The following THEMIS variants were observed in gnomAD, a reference collection of about 807,000 sequenced individuals.
The protein encoded by THEMIS is thymocyte selection associated.
A neutral mutation model predicts 52.6 loss-of-function variants in THEMIS; 37 were observed. The ratio of observed to expected loss-of-function variants is 0.70; its 90% confidence interval spans 0.54 to 0.93. The LOEUF is 0.93. Ranked by LOEUF, THEMIS falls within the 40% of genes least tolerant of loss-of-function variation. The pLI, the probability that THEMIS is intolerant of heterozygous loss-of-function variation, is 0.00. For synonymous variants in THEMIS, 292 were observed against 272.7 expected (o/e 1.07, Z -0.70); for missense variants, 808 against 763.1 (o/e 1.06, Z -0.69).
At chr6:127,828,986 G>A (rs1005416183) in intron 3 of THEMIS, among the ~76,000 whole-genome samples, 1 of 152,194 alleles carries the variant, frequency 6.6e-6, no homozygotes, top group African/African-American at 2.4e-5. Flanking sequence ...TTAAGACAGA[G>A]GGGCTCTGGG....
At chr6:127,885,686 A>T (rs1780624021) in intron 1 of THEMIS, among the ~76,000 whole-genome samples, 1 of 152,118 alleles carries the variant, frequency 6.6e-6, no homozygotes, top group Non-Finnish European at 1.5e-5. Flanking sequence ...TAATACATCC[A>T]AAATACAGTA....
intron 4 of THEMIS, among the ~76,000 whole-genome samples, chr6:127,730,351 G>A (rs1261651323): frequency 7.1e-5 from 9 of 127,064 alleles, no homozygotes; most frequent in South Asian, 2.7e-4. Context: ...GAAGAGAAGA[G>A]AAGAAAAGAG....
intron 4 of THEMIS, among the ~76,000 whole-genome samples, chr6:127,808,993 A>G (rs1777812577): frequency 6.6e-6 from 1 of 152,206 alleles, no homozygotes; most frequent in African/African-American, 2.4e-5. Flanking sequence ...TTGCCCATAC[A>G]TCTGTCTGTT....
At chr6:127,745,641 T>A (rs909747006) in intron 4 of THEMIS, among the ~76,000 whole-genome samples, 1 of 151,790 alleles carries the variant, frequency 6.6e-6, no homozygotes, top group South Asian at 2.1e-4. Flanking sequence ...TGGAAAAAAA[T>A]TTGTGAGACT....
intron 4 of THEMIS, among the ~76,000 whole-genome samples, chr6:127,751,564 C>CA (rs1225231586): frequency 1.3e-5 from 2 of 151,162 alleles, no homozygotes; most frequent in Non-Finnish European, 3.0e-5. Context: ...GACTTTAAGT[C>CA]AAAAATTATC....
intron 4 of THEMIS, among the ~76,000 whole-genome samples, chr6:127,780,472 C>T (rs769439072): frequency 5.3e-5 from 8 of 152,096 alleles, no homozygotes; most frequent in South Asian, 2.1e-4. Flanking sequence ...AATTAGTTGA[C>T]GCAGTTTCTT....
chr6:127,766,647 T>C (rs796246207), intron 4 of THEMIS, among the ~76,000 whole-genome samples: 8 of 152,320 alleles, frequency 5.3e-5, no homozygotes, highest in African/African-American at 1.9e-4. Context: ...TCCTGGGCTA[T>C]AAACCTGTAT....
At position 127,749,380 on chromosome 6, in the gene THEMIS, G is replaced by A. The variant is rs191246442; in HGVS notation, c.1759-29557C>T. 1.3e-3 allele frequency among the ~76,000 whole-genome samples: 200 copies of A among 152,048 alleles called. 3 individuals are homozygous for A. Among genetic ancestry groups the A allele is most frequent in the Admixed American group, 0.011 (167 of 15,230 alleles). On this transcript the variant is annotated intron_variant, in intron 4 of 5. Transcript: ENST00000368248. ...TTGATGCTTTCTATGTCACGTTAGCGGGGAAGGAAAGTCTTCATGAAACCA... is the reference window on the plus strand; with the variant it reads ...TTGATGCTTTCTATGTCACGTTAGCAGGGAAGGAAAGTCTTCATGAAACCA...
chr6:127,731,023 A>G (rs749752809), intron 4 of THEMIS, among the ~76,000 whole-genome samples: 2 of 152,230 alleles, frequency 1.3e-5, no homozygotes, highest in Non-Finnish European at 2.9e-5. Flanking sequence ...ACAGAGTATC[A>G]TGAGGGTCCC....
chr6:127,706,203 T>C (rs1773794921), downstream of THEMIS, among the ~76,000 whole-genome samples: 1 of 151,700 alleles, frequency 6.6e-6, no homozygotes, highest in African/African-American at 2.4e-5. Flanking sequence ...TTATATATAA[T>C]TTAGAACATA....
intron 1 of THEMIS, among the ~76,000 whole-genome samples, chr6:127,915,240 T>A (rs1781496371): frequency 2.1e-5 from 2 of 95,202 alleles, no homozygotes; most frequent in African/African-American, 6.2e-5. Context: ...GACAGTATAG[T>A]ATCATTTTGT....
chr6:127,730,436 G>A (rs1774748447), intron 4 of THEMIS, among the ~76,000 whole-genome samples: 1 of 137,248 alleles, frequency 7.3e-6, no homozygotes, highest in African/African-American at 2.8e-5. Context: ...AGGGAGGCAG[G>A]AAGAGAACAA....
At chr6:127,779,895 A>G (rs1776687090) in intron 4 of THEMIS, among the ~76,000 whole-genome samples, 1 of 152,162 alleles carries the variant, frequency 6.6e-6, no homozygotes, top group African/African-American at 2.4e-5. Context: ...GAACAGCTCT[A>G]AAGGTATATT....
intron 4 of THEMIS, among the ~76,000 whole-genome samples, chr6:127,787,428 C>T (rs1466569536): frequency 1.3e-5 from 2 of 152,156 alleles, no homozygotes; most frequent in African/African-American, 2.4e-5. Flanking sequence ...CTAGCTGACA[C>T]TCTGCTGCAC....
chr6:127,883,948 C>T (rs1299015549), intron 1 of THEMIS, among the ~76,000 whole-genome samples: 2 of 152,014 alleles, frequency 1.3e-5, no homozygotes, highest in Non-Finnish European at 2.9e-5. Context: ...TGCTTACACA[C>T]CCAAATTTAT....
chr6:127,810,381 T>G (rs1777862694), intron 4 of THEMIS, among the ~76,000 whole-genome samples: 1 of 152,170 alleles, frequency 6.6e-6, no homozygotes, highest in Non-Finnish European at 1.5e-5. Context: ...TGCTGGAAAC[T>G]TAATCACCAA....
chr6:127,770,886 C>T (rs140885866), intron 4 of THEMIS, among the ~76,000 whole-genome samples: 1,574 of 152,228 alleles, frequency 0.01, 12 homozygotes, highest in Non-Finnish European at 0.017. Flanking sequence ...AATCCTTTCT[C>T]TATTGCTTGT....
intron 3 of THEMIS, among the ~76,000 whole-genome samples, chr6:127,824,861 C>T (rs1778453937): frequency 6.6e-6 from 1 of 152,044 alleles, no homozygotes; most frequent in Non-Finnish European, 1.5e-5. Flanking sequence ...GGAGGCGGAG[C>T]TTGCAGTGAG....
chr6:127,877,922 G>A (rs188489208), intron 1 of THEMIS, among the ~76,000 whole-genome samples: 2 of 152,230 alleles, frequency 1.3e-5, no homozygotes, highest in Admixed American at 6.5e-5. Context: ...ATCTGTTCAA[G>A]AGTTTTAACC....
Sources: gnomAD v4.1 joint callset for allele counts (sites outside exome capture counted in the v4.1 genomes callset) on GRCh38, gnomAD v4.1.1 for gene constraint, MANE v1.5 for transcripts, NCBI Gene and HGNC (gene_info 2026-07-23, HGNC 2026-07-21) for gene names.